SERPINB12: variants seen among roughly 807,000 people sequenced by gnomAD.
SERPINB12 encodes the protein serpin B12.
A neutral mutation model predicts 41.1 loss-of-function variants in SERPINB12; 57 were observed. That is an observed-to-expected ratio of 1.39 (90% CI 1.12 to 1.73). The LOEUF (loss-of-function observed/expected upper bound fraction) is 1.73, where lower values mean the gene tolerates loss of function less well. Among genes scored for constraint, SERPINB12 ranks in the 40% most tolerant of loss-of-function variants. The probability of loss-of-function intolerance (pLI) is 0.00; values close to 1 mark genes in which losing one functional copy is unlikely to be tolerated. For missense variants in SERPINB12, 536 were observed against 501.9 expected, an observed-to-expected ratio of 1.07 and a Z score of -0.65; for synonymous variants, 180 against 181.3, an observed-to-expected ratio of 0.99 and a Z score of 0.06.
intron 3 of SERPINB12, among the ~76,000 whole-genome samples, chr18:63,559,254 G>C (rs12955973): frequency 0.4 from 59,953 of 151,410 alleles, 14,454 homozygotes; most frequent in Non-Finnish European, 0.54. Flanking sequence ...ACAGGCATGA[G>C]CCACCATGCC....
the SERPINB12 span, among the ~76,000 whole-genome samples, chr18:63,530,516 T>C: frequency 6.6e-6 from 1 of 152,334 alleles, no homozygotes; most frequent in Non-Finnish European, 1.5e-5. Context: ...CTTCTTGACC[T>C]AGAATGATAC....
chr18:63,519,959 G>A, the SERPINB12 span, among the ~76,000 whole-genome samples: 1 of 152,104 alleles, frequency 6.6e-6, no homozygotes, highest in Admixed American at 6.5e-5. Flanking sequence ...CATTGTCATG[G>A]ATGCCCTGTC....
the SERPINB12 span, among the ~76,000 whole-genome samples, chr18:63,521,978 G>T: frequency 6.6e-6 from 1 of 152,172 alleles, no homozygotes; most frequent in Non-Finnish European, 1.5e-5. Context: ...AAAGCAATAG[G>T]TAGGACTACA....
the SERPINB12 span, among the ~76,000 whole-genome samples, chr18:63,521,724 C>T: frequency 6.6e-6 from 1 of 152,206 alleles, no homozygotes; most frequent in Non-Finnish European, 1.5e-5. Context: ...AGTCAACTGC[C>T]TATACCTCGT....
intron 1 of SERPINB12, among the ~76,000 whole-genome samples, chr18:63,551,297 CA>C (rs367982542): frequency 4.3e-4 from 65 of 151,380 alleles, no homozygotes; most frequent in African/African-American, 1.4e-3. Flanking sequence ...ACAAAAAAAA[CA>C]AAAAAAAGAA....
intron 1 of SERPINB12, among the ~76,000 whole-genome samples, chr18:63,552,000 T>A (rs1910543675): frequency 6.6e-6 from 1 of 152,194 alleles, no homozygotes; most frequent in South Asian, 2.1e-4. Context: ...GGGATGGGGA[T>A]AAATCTCAAA....
At position 63,556,098 on chromosome 18, in the gene SERPINB12, C is replaced by A. The variant is rs931744120; in HGVS notation, c.-18-44C>A. On this transcript the variant is annotated intron_variant, in intron 1 of 7. Coordinates refer to ENST00000382768, the MANE Select transcript of SERPINB12 (RefSeq NM_001307928.2). ...ATAAAATTGTTTGTTCACTTATTTT[C>A]TTCCAATCACCATTTTCTCTTTCTC... 2.2e-6 allele frequency: 3 copies of A among 1,390,794 alleles called. No individual in the cohort carries two copies. In the African/African-American group the frequency reaches 4.3e-5, roughly 20 times the overall value. 86.2% of individuals were successfully genotyped at this position (1,390,794 alleles called of 1,614,324 possible).
chr18:63,523,597 A>T, the SERPINB12 span, among the ~76,000 whole-genome samples: 1 of 152,190 alleles, frequency 6.6e-6, no homozygotes, highest in Non-Finnish European at 1.5e-5. Flanking sequence ...TGGCTTTTAG[A>T]AAAAGTAAAG....
intron 1 of SERPINB12, among the ~76,000 whole-genome samples, chr18:63,553,340 G>T (rs889748447): frequency 1.3e-5 from 2 of 152,324 alleles, no homozygotes; most frequent in East Asian, 3.9e-4. Context: ...CATGATTGTT[G>T]CAAGTCACTT....
rs1418459606 is a variant in SERPINB12 at position 63,559,586 on chromosome 18, C to T, written c.312C>T (p.Ser104=). Residue 104 remains serine, a synonymous_variant, in exon 4 of 8, where the codon TCC becomes TCT. Transcript: ENST00000382768. ...TTEPLDQQAG[S]LNNESGLVSC... ...GTTTCTTCTTTCCTTAGGCTGGGTC[C>T]TTAAACAATGAGAGCGGACTGGTCA... is the stretch of plus-strand genomic sequence containing the variant. 2 of 1,614,034 alleles carry T rather than the reference C, an allele frequency of 1.2e-6. No homozygotes were observed. The highest frequency in any genetic ancestry group is 1.7e-6 in the Non-Finnish European group (2 of 1,179,952).
the SERPINB12 span, among the ~76,000 whole-genome samples, chr18:63,521,050 C>T: frequency 2.0e-5 from 3 of 152,154 alleles, no homozygotes; most frequent in Non-Finnish European, 4.4e-5. Context: ...CCAAGGGTGG[C>T]ATCAGTCCAA....
At chr18:63,562,273 C>A (rs1368368591) in intron 5 of SERPINB12, among the ~76,000 whole-genome samples, 3 of 152,154 alleles carry the variant, frequency 2.0e-5, no homozygotes, top group African/African-American at 7.2e-5. Context: ...CCTGAAGGGT[C>A]AGGTCAGGCT....
chr18:63,555,899 T>C (rs1336510070), intron 1 of SERPINB12, among the ~76,000 whole-genome samples: 2 of 152,152 alleles, frequency 1.3e-5, no homozygotes, highest in Non-Finnish European at 2.9e-5. Context: ...ACTCAGTCTG[T>C]GGTAATTTCT....
chr18:63,559,506 C>T (rs968360609), intron 3 of SERPINB12, 72 bp from the exon 4 acceptor site: 48 of 1,488,022 alleles, frequency 3.2e-5, no homozygotes, highest in African/African-American at 1.8e-4. Context: ...GTACAAAACA[C>T]GCATCTTTTA....
chr18:63,557,286 A>G (rs1910710523), intron 2 of SERPINB12, among the ~76,000 whole-genome samples: 1 of 152,040 alleles, frequency 6.6e-6, no homozygotes, highest in African/African-American at 2.4e-5. Flanking sequence ...ATCAGTGTTT[A>G]TCTCCTATAC....
intron 1 of SERPINB12, among the ~76,000 whole-genome samples, chr18:63,551,918 C>A (rs1382494670): frequency 1.3e-5 from 2 of 152,184 alleles, no homozygotes; most frequent in African/African-American, 2.4e-5. Flanking sequence ...CTATTGCTCA[C>A]CGCACAGAGA....
chr18:63,555,886 AC>A (rs1276546675), intron 1 of SERPINB12, among the ~76,000 whole-genome samples: 1 of 152,162 alleles, frequency 6.6e-6, no homozygotes, highest in Non-Finnish European at 1.5e-5. Flanking sequence ...TGCTATTTAA[AC>A]CACTCAGTCT....
the SERPINB12 span, among the ~76,000 whole-genome samples, chr18:63,535,240 T>A: frequency 6.6e-6 from 1 of 152,142 alleles, no homozygotes; most frequent in African/African-American, 2.4e-5. Flanking sequence ...TCAAAATATC[T>A]TCCTCCTTCG....
intron 1 of SERPINB12, among the ~76,000 whole-genome samples, chr18:63,550,881 C>T (rs186346919): frequency 1.3e-5 from 2 of 152,286 alleles, no homozygotes; most frequent in East Asian, 3.9e-4. Flanking sequence ...CACAGTTCTC[C>T]CCACTCATTC....
Sources: allele counts gnomAD v4.1 joint callset (sites outside exome capture counted in the v4.1 genomes callset), GRCh38; gene constraint gnomAD v4.1.1; transcripts MANE v1.5; gene names NCBI Gene and HGNC (gene_info 2026-07-23, HGNC 2026-07-21).